The following HUWE1 variants were observed in gnomAD, a reference collection of about 807,000 sequenced individuals.
The protein encoded by HUWE1 is HECT, UBA and WWE domain containing E3 ubiquitin protein ligase 1, also known as E3 ubiquitin-protein ligase HUWE1.
HUWE1 carries 18 observed loss-of-function variants against 299.4 expected under a neutral mutation model. That is an observed-to-expected ratio of 0.06 (90% CI 0.04 to 0.09). The LOEUF is 0.09. HUWE1 is among the 10% of genes least tolerant of loss of function. The pLI, the probability that HUWE1 is intolerant of heterozygous loss-of-function variation, is 1.00. For missense variants in HUWE1, 1,832 were observed against 3,462.3 expected (o/e 0.53, Z 11.82); for synonymous variants, 1,317 against 1,286.1 (o/e 1.02, Z -0.51).
At chrX:53,586,398 A>C (rs1346452709) in intron 39 of HUWE1, 92 bp downstream of exon 39, 2 of 574,980 alleles carry the variant, frequency 3.5e-6, no homozygotes, top group Non-Finnish European at 6.0e-6. Context: ...AGAGACTTCT[A>C]TATTCTTCAC....
At chrX:53,639,266 T>C (rs1315396413) in intron 7 of HUWE1, among the ~76,000 whole-genome samples, 1 of 112,047 alleles carries the variant, frequency 8.9e-6, no homozygotes, top group Non-Finnish European at 1.9e-5. Flanking sequence ...ATCAGTGAAG[T>C]GCCAATAAAG....
chrX:53,575,114 T>C, intron 46 of HUWE1, 41 bp downstream of exon 46: 3 of 1,054,697 alleles, frequency 2.8e-6, no homozygotes, highest in Non-Finnish European at 4.0e-6. Flanking sequence ...GTTGTTTTCC[T>C]AAGGAATAAG....
chrX:53,663,244 A>C (rs1201828359), intron 3 of HUWE1, among the ~76,000 whole-genome samples: 1 of 112,173 alleles, frequency 8.9e-6, no homozygotes, highest in Non-Finnish European at 1.9e-5. Context: ...CAGGGGCAGT[A>C]GCTCACGCCT....
chrX:53,595,501 T>G, intron 29 of HUWE1, 98 bp from the exon 30 acceptor site: 2 of 663,447 alleles, frequency 3.0e-6, no homozygotes, highest in Non-Finnish European at 4.7e-6. Context: ...GACTCACCAC[T>G]TCCTCCTACA....
At chrX:53,533,614 AC>A (rs1192192674) in intron 83 of HUWE1, 1 of 459,514 alleles carries the variant, frequency 2.2e-6, no homozygotes, top group East Asian at 3.7e-5. Context: ...CAAAAATCTG[AC>A]CCTGTCACTC....
chrX:53,562,692 G>A, intron 53 of HUWE1, 139 bp downstream of exon 53: 1 of 521,092 alleles, frequency 1.9e-6, no homozygotes, highest in Non-Finnish European at 3.4e-6. Context: ...GGATAAAGTG[G>A]ATGGTGTATG....
At chrX:53,613,250 G>C (rs1232700590) in intron 23 of HUWE1, among the ~76,000 whole-genome samples, 1 of 111,811 alleles carries the variant, frequency 8.9e-6, no homozygotes, top group Non-Finnish European at 1.9e-5. Flanking sequence ...ATACTTAGTA[G>C]TTAATGCCTC....
rs1007450733 is a variant in HUWE1, at chrX:53,643,485, G to C, written c.504+1826C>G. 7.2e-5 allele frequency among the ~76,000 whole-genome samples: 8 copies of C among 110,908 alleles called. No individual in the cohort carries two copies. In the East Asian group the frequency reaches 2.0e-3, roughly 27 times the overall value. ...CTGCCTTACCGTCCTGAGTAGCTAG[G>C]ATTACAAGTGCCCACCACCACGTCC... On this transcript the variant is annotated intron_variant, in intron 7 of 83. Transcript: ENST00000262854.
intron 19 of HUWE1, among the ~76,000 whole-genome samples, chrX:53,624,326 T>C (rs1028910224): frequency 1.8e-5 from 2 of 111,740 alleles, no homozygotes; most frequent in African/African-American, 6.5e-5. Context: ...CTATTCATAT[T>C]TGTCTACTAA....
chrX:53,544,020 A>G (rs1556920766), intron 72 of HUWE1, 52 bp from the exon 73 acceptor site: 1 of 1,044,910 alleles, frequency 9.6e-7, no homozygotes, highest in Non-Finnish European at 1.3e-6. Context: ...GAAGAGGGAA[A>G]GCCCAATATT....
chrX:53,669,161 A>G (rs1433734082), intron 3 of HUWE1, among the ~76,000 whole-genome samples: 1 of 112,294 alleles, frequency 8.9e-6, no homozygotes, highest in African/African-American at 3.2e-5. Flanking sequence ...AGGATGTTGA[A>G]AAGAATTCCA....
chrX:53,553,566 T>C (rs2061864741), intron 61 of HUWE1, among the ~76,000 whole-genome samples: 1 of 106,647 alleles, frequency 9.4e-6, no homozygotes, highest in African/African-American at 3.4e-5. Context: ...TCCAAGCACT[T>C]TGGGAGGCCG....
intron 42 of HUWE1, among the ~76,000 whole-genome samples, chrX:53,583,043 G>A (rs1330003533): frequency 8.9e-6 from 1 of 112,186 alleles, no homozygotes; most frequent in Non-Finnish European, 1.9e-5. Context: ...TGGTTTGTAA[G>A]TTTCCTAAAA....
chrX:53,612,366 G>A (rs2065534567), intron 23 of HUWE1, among the ~76,000 whole-genome samples: 1 of 111,945 alleles, frequency 8.9e-6, no homozygotes, highest in East Asian at 2.8e-4. Context: ...CATCTTAGAA[G>A]TTACATATAA....
chrX:53,559,197 A>C, intron 57 of HUWE1, 137 bp from the exon 58 acceptor site: 1 of 768,630 alleles, frequency 1.3e-6, no homozygotes, highest in Non-Finnish European at 2.0e-6. Context: ...GTACCTAGAG[A>C]CAATAAAGTT....
Position 53,560,275 on chromosome X carries a change from A to C in HUWE1, c.7649T>G (p.Leu2550Arg). The stretch of plus-strand genomic sequence containing the variant: ...GCCAGTATTGGCCGTCAGCTGCCTT[A>C]GGGTCCTCTGACTGCGCCCGATGCC... Reference protein sequence around the residue: ...TQGIGRSQRTLRQLTANTGHT... With the variant: ...TQGIGRSQRTRRQLTANTGHT... The change falls in exon 56 of 84, where the codon CTA (leucine) becomes CGA (arginine). Residue 2550 changes from leucine (L) to arginine (R), a missense_variant. Coordinates refer to ENST00000262854, the MANE Select transcript of HUWE1 (RefSeq NM_031407.7). The C allele has an allele frequency of 8.3e-7, 1 of 1,211,173 alleles. No homozygotes were observed. The highest frequency in any genetic ancestry group is 1.1e-6 in the Non-Finnish European group (1 of 895,293).
chrX:53,604,916 G>T, intron 25 of HUWE1, 82 bp from the exon 26 acceptor site: 1 of 991,693 alleles, frequency 1.0e-6, no homozygotes, highest in Non-Finnish European at 1.4e-6. Context: ...CAATGGAAGT[G>T]ACAATTAAAT....
intron 46 of HUWE1, among the ~76,000 whole-genome samples, chrX:53,574,819 G>A (rs782653477): frequency 8.9e-6 from 1 of 111,905 alleles, no homozygotes; most frequent in Non-Finnish European, 1.9e-5. Context: ...CATCCACCAC[G>A]TAAAGCATGT....
intron 7 of HUWE1, among the ~76,000 whole-genome samples, chrX:53,644,787 GC>G (rs2067856056): frequency 8.9e-6 from 1 of 111,990 alleles, no homozygotes; most frequent in African/African-American, 3.2e-5. Context: ...TTAAGAAGTT[GC>G]CTCTGGGAAC....
Sources: gnomAD v4.1 joint callset for allele counts (sites outside exome capture counted in the v4.1 genomes callset) on GRCh38, gnomAD v4.1.1 for gene constraint, MANE v1.5 for transcripts, NCBI Gene and HGNC (gene_info 2026-07-23, HGNC 2026-07-21) for gene names.